The following SLC24A2 variants were observed in gnomAD, a reference collection of about 807,000 sequenced individuals.
SLC24A2 encodes solute carrier family 24 member 2, also known as sodium/potassium/calcium exchanger 2.
Under a neutral mutation model 62.0 loss-of-function variants are expected in SLC24A2, and 36 were observed. The observed-to-expected ratio is 0.58, with a 90% confidence interval of 0.44 to 0.77. The LOEUF is 0.77. Among genes scored for constraint, SLC24A2 ranks in the 30% least tolerant of loss-of-function variants. The pLI is 0.00. For missense variants in SLC24A2, 846 were observed against 817.9 expected (o/e 1.03, Z -0.42); for synonymous variants, 358 against 294.0 (o/e 1.22, Z -2.23).
chr9:19,865,049 T>C, the SLC24A2 span, among the ~76,000 whole-genome samples: 1 of 151,788 alleles, frequency 6.6e-6, no homozygotes, highest in South Asian at 2.1e-4. Context: ...CTGAACAAAG[T>C]GAAAAAGAAA....
At chr9:19,991,027 TATATACAC>T in the SLC24A2 span, among the ~76,000 whole-genome samples, 1 of 98,494 alleles carries the variant, frequency 1.0e-5, no homozygotes, top group Admixed American at 1.1e-4. Context: ...CACACACACA[TATATACAC>T]ACATACATAC....
At chr9:20,052,336 C>A in the SLC24A2 span, among the ~76,000 whole-genome samples, 1 of 152,198 alleles carries the variant, frequency 6.6e-6, no homozygotes, top group Admixed American at 6.5e-5. Flanking sequence ...CAAAGACATT[C>A]TCTGTCATCT....
At chr9:19,920,805 C>T in the SLC24A2 span, among the ~76,000 whole-genome samples, 3 of 152,198 alleles carry the variant, frequency 2.0e-5, no homozygotes, top group Admixed American at 2.0e-4. Context: ...ACCTACATGA[C>T]GTGTATCGAT....
chr9:19,705,161 T>C lies in SLC24A2; in HGVS notation c.930+80776A>G, dbSNP rs1043427514. The stretch of plus-strand genomic sequence containing the variant: ...ACTATTTCTTTGCTGCTGGGATATT[T>C]AGGCAATGGAAGTAAGTTAAGATGA... On this transcript the variant is annotated intron_variant, in intron 2 of 10. Coordinates refer to ENST00000341998, the MANE Select transcript of SLC24A2 (RefSeq NM_020344.4). 2.0e-5 allele frequency among the ~76,000 whole-genome samples: 3 copies of C among 152,356 alleles called. No individual in the cohort carries two copies. In the East Asian group the frequency reaches 5.8e-4, roughly 29 times the overall value.
the SLC24A2 span, among the ~76,000 whole-genome samples, chr9:20,302,197 T>C: frequency 2.0e-5 from 3 of 152,226 alleles, no homozygotes; most frequent in African/African-American, 7.2e-5. Context: ...TATTAACATC[T>C]GTGTGTAGGT....
chr9:19,534,627 TGTTA>T (rs1441045081), intron 8 of SLC24A2, among the ~76,000 whole-genome samples: 1 of 152,104 alleles, frequency 6.6e-6, no homozygotes, highest in African/African-American at 2.4e-5. Flanking sequence ...TCTGTTCTTG[TGTTA>T]GTTTGCTGAC....
At chr9:20,120,471 C>G in the SLC24A2 span, among the ~76,000 whole-genome samples, 1 of 152,108 alleles carries the variant, frequency 6.6e-6, no homozygotes, top group Admixed American at 6.6e-5. Context: ...TCAAATACCA[C>G]TTGTTCTCAT....
the SLC24A2 span, among the ~76,000 whole-genome samples, chr9:20,227,850 C>T: frequency 6.6e-6 from 1 of 152,142 alleles, no homozygotes; most frequent in East Asian, 1.9e-4. Flanking sequence ...TATTCAGAGA[C>T]TGGGTAGTCT....
intron 2 of SLC24A2, among the ~76,000 whole-genome samples, chr9:19,637,168 C>T (rs371982189): frequency 6.6e-6 from 1 of 152,304 alleles, no homozygotes. Context: ...TGGGTTCTGG[C>T]ACAGGCAAAG....
In SLC24A2 at chr9:19,508,393, G is replaced by T. The variant is rs574332365; in HGVS notation, c.*7760C>A. 6.6e-6 allele frequency: 1 copy of T among 152,126 alleles called. No individual in the cohort carries two copies. Among genetic ancestry groups the T allele is most frequent in the Non-Finnish European group, 1.5e-5 (1 of 68,022 alleles). 9.4% of individuals were successfully genotyped at this position (152,126 alleles called of 1,614,324 possible). Reference sequence around the variant, plus strand: ...GCCACTTAAGCATAAAATTGATGGGGTTGTCCAGTTTAGTACCCATGTTTA... The same window carrying T: ...GCCACTTAAGCATAAAATTGATGGGTTTGTCCAGTTTAGTACCCATGTTTA... On this transcript the variant is annotated 3_prime_UTR_variant, in exon 11 of 11. Transcript: ENST00000341998.
the SLC24A2 span, among the ~76,000 whole-genome samples, chr9:20,045,314 C>T: frequency 1.3e-5 from 2 of 152,046 alleles, no homozygotes; most frequent in African/African-American, 4.8e-5. Flanking sequence ...TACAAAGCAG[C>T]TGATCTACTA....
intron 6 of SLC24A2, among the ~76,000 whole-genome samples, chr9:19,575,430 G>A (rs1835980195): frequency 6.6e-6 from 1 of 152,232 alleles, no homozygotes; most frequent in Non-Finnish European, 1.5e-5. Context: ...CAAGAACAGA[G>A]ATGAACAGAT....
intron 8 of SLC24A2, among the ~76,000 whole-genome samples, chr9:19,537,070 T>G (rs1834014524): frequency 3.3e-5 from 5 of 151,278 alleles, no homozygotes; most frequent in Admixed American, 3.3e-4. Flanking sequence ...TCTTGTAAAT[T>G]TGTTTGAGTT....
the SLC24A2 span, among the ~76,000 whole-genome samples, chr9:20,259,341 G>A: frequency 6.6e-6 from 1 of 152,152 alleles, no homozygotes; most frequent in Non-Finnish European, 1.5e-5. Context: ...AATGCACACA[G>A]ATATTACTAT....
rs1193223005 is a variant in SLC24A2, at chr9:19,510,048, T to G, written c.*6105A>C. On this transcript the variant is annotated 3_prime_UTR_variant, in exon 11 of 11. Transcript: ENST00000341998. ...TGATTCCTCTTGATAAATTAGTGGG[T>G]AAGTACAGGCCCAGAGTTTTGGAGT... 2.0e-5 allele frequency: 3 copies of G among 152,162 alleles called. No individual in the cohort carries two copies. Among genetic ancestry groups the G allele is most frequent in the Non-Finnish European group, 2.9e-5 (2 of 68,030 alleles). The allele number at this position is 152,162 out of a possible 1,614,324, so 9.4% of individuals were successfully genotyped here. A position where few individuals can be genotyped will look rare whatever the true frequency, so the allele number is the denominator to read the frequency against.
chr9:20,122,710 C>A, the SLC24A2 span, among the ~76,000 whole-genome samples: 1 of 152,042 alleles, frequency 6.6e-6, no homozygotes, highest in Non-Finnish European at 1.5e-5. Context: ...CAAACAACAA[C>A]AAAAAAACTC....
the SLC24A2 span, among the ~76,000 whole-genome samples, chr9:19,896,897 T>C: frequency 1.3e-5 from 2 of 152,354 alleles, no homozygotes; most frequent in Admixed American, 1.3e-4. Flanking sequence ...ATGCATGTCA[T>C]GTTATGATTA....
chr9:19,911,288 G>T, the SLC24A2 span, among the ~76,000 whole-genome samples: 1 of 152,054 alleles, frequency 6.6e-6, no homozygotes, highest in Non-Finnish European at 1.5e-5. Flanking sequence ...TGGTGTCTAT[G>T]TGCCACATTT....
At chr9:19,771,266 C>T (rs1404252666) in intron 2 of SLC24A2, among the ~76,000 whole-genome samples, 1 of 152,142 alleles carries the variant, frequency 6.6e-6, no homozygotes, top group East Asian at 1.9e-4. Flanking sequence ...TTTCCCAGGG[C>T]ATTTAAATTC....
Sources: allele counts gnomAD v4.1 joint callset (sites outside exome capture counted in the v4.1 genomes callset), GRCh38; gene constraint gnomAD v4.1.1; transcripts MANE v1.5; gene names NCBI Gene and HGNC (gene_info 2026-07-23, HGNC 2026-07-21).